Variants in EPHX1 observed in about 807,000 individuals in gnomAD.
The protein encoded by EPHX1 is epoxide hydrolase 1.
A neutral mutation model predicts 43.2 loss-of-function variants in EPHX1; 40 were observed. That is an observed-to-expected ratio of 0.93 (90% confidence interval 0.72 to 1.21). The LOEUF (loss-of-function observed/expected upper bound fraction) is 1.21, where lower values mean the gene tolerates loss of function less well. Among genes scored for constraint, EPHX1 ranks in the 50% most tolerant of loss-of-function variants. EPHX1 has a pLI of 0.00. For synonymous variants in EPHX1, 221 were observed against 226.7 expected (o/e 0.98, Z 0.22); for missense variants, 550 against 570.4 (o/e 0.96, Z 0.36).
At chr1:225,839,693 C>T in intron 5 of EPHX1, 136 bp from the exon 6 acceptor site, 1 of 1,010,336 alleles carries the variant, frequency 9.9e-7, no homozygotes, top group Non-Finnish European at 1.6e-6. Context: ...CATGGCCTCC[C>T]CAGTGGGGCC....
At chr1:225,841,103 C>G (rs769727663) in intron 6 of EPHX1, 1 of 152,188 alleles carries the variant, frequency 6.6e-6, no homozygotes, top group Non-Finnish European at 1.5e-5. Flanking sequence ...ATGGCCCCAA[C>G]ACTCCAGATG....
chr1:225,827,919 G>C (rs112201930), intron 1 of EPHX1, among the ~76,000 whole-genome samples: 1 of 3,972 alleles, frequency 2.5e-4, no homozygotes, highest in Non-Finnish European at 4.1e-4. Context: ...CCATTACCCC[G>C]TCTGCCCTGA....
rs376504243 is a variant in EPHX1 at position 225,839,173 on chromosome 1, T to G, written c.593-44T>G. On this transcript the variant is annotated intron_variant, in intron 4 of 8. Coordinates refer to ENST00000272167, the MANE Select transcript of EPHX1 (RefSeq NM_001136018.4). Reference sequence around the variant, plus strand: ...ACACCAGAGGGCCCAAGGAGCAATCTGCCTGTGACTCCGTGACTCCATGCC... The same window carrying G: ...ACACCAGAGGGCCCAAGGAGCAATCGGCCTGTGACTCCGTGACTCCATGCC... The G allele has an allele frequency of 5.4e-5, 87 of 1,613,514 alleles. No individual in the cohort carries two copies. The African/African-American group carries it at 1.1e-3, about 20-fold the overall frequency.
chr1:225,810,771 G>GA lies in EPHX1; in HGVS notation c.-6+602_-6+603insA, dbSNP rs1044625416. Among the ~76,000 whole-genome samples, 18 of 145,898 alleles carry GA rather than the reference G, an allele frequency of 1.2e-4. No homozygotes were observed. The East Asian group carries it at 3.0e-3, about 24-fold the overall frequency. ...GGTTCTCTGGCGGGCAGAGTGGGGGGGGTCACAAGGTGCTCAGTAGGGGAG... is the reference window on the plus strand; with the variant it reads ...GGTTCTCTGGCGGGCAGAGTGGGGGGAGGTCACAAGGTGCTCAGTAGGGGAG... On this transcript the variant is annotated intron_variant, in intron 1 of 8. Coordinates refer to ENST00000272167, the MANE Select transcript of EPHX1 (RefSeq NM_001136018.4).
rs757661375 is a variant in EPHX1 at position 225,840,031 on chromosome 1, A to G, written c.925A>G (p.Thr309Ala). 6.2e-7 allele frequency: 1 copy of G among 1,613,702 alleles called. No individual in the cohort carries two copies. Among genetic ancestry groups the G allele is most frequent in the Non-Finnish European group, 8.5e-7 (1 of 1,179,940 alleles). The change falls in exon 6 of 9, where the codon ACC (threonine) becomes GCC (alanine). Residue 309 changes from threonine (T) to alanine (A), a missense_variant. By Grantham distance (58) the Thr-to-Ala change is moderately conservative (BLOSUM62 0). Coordinates refer to ENST00000272167, the MANE Select transcript of EPHX1 (RefSeq NM_001136018.4). Reference protein sequence around the residue: ...YMHIQCTKPDTVGSALNDSPV... With the variant: ...YMHIQCTKPDAVGSALNDSPV... ...GCACATCCAGTGCACCAAGCCTGAC[A>G]CCGTAGGTGAGTGTGCTCAGGGGTC...
At chr1:225,816,345 T>G (rs539871165) in intron 1 of EPHX1, among the ~76,000 whole-genome samples, 17 of 151,756 alleles carry the variant, frequency 1.1e-4, no homozygotes, top group Non-Finnish European at 2.4e-4. Flanking sequence ...TTTAAAAGAT[T>G]AAAAAAAGAG....
chr1:225,832,781 G>A (rs1038292100), intron 3 of EPHX1, among the ~76,000 whole-genome samples: 1 of 152,144 alleles, frequency 6.6e-6, no homozygotes, highest in Non-Finnish European at 1.5e-5. Context: ...GTGGTTTTGA[G>A]TTGCATTTTC....
intron 7 of EPHX1, 121 bp from the exon 8 acceptor site, chr1:225,844,377 A>C (rs1338973764): frequency 2.0e-6 from 3 of 1,467,258 alleles, no homozygotes; most frequent in Non-Finnish European, 2.9e-6. Flanking sequence ...CACACGTTGC[A>C]TGAGGTCTGA....
chr1:225,821,565 C>CTTT (rs869228485), intron 1 of EPHX1, among the ~76,000 whole-genome samples: 41 of 69,840 alleles, frequency 5.9e-4, no homozygotes, highest in Non-Finnish European at 8.1e-4. Flanking sequence ...TTTTTTGGTT[C>CTTT]TTTTTTTTTT....
Position 225,828,937 on chromosome 1 carries a change from G to T in EPHX1, c.183+25G>T, listed in dbSNP as rs201723402. On this transcript the variant is annotated intron_variant, in intron 2 of 8. Coordinates refer to ENST00000272167, the MANE Select transcript of EPHX1 (RefSeq NM_001136018.4). ...CGTAAGGCACCTTGGGCCGGGCCGGGCTGGGCAGTGGAGAGGGTGGTGTGT... is the reference window on the plus strand; with the variant it reads ...CGTAAGGCACCTTGGGCCGGGCCGGTCTGGGCAGTGGAGAGGGTGGTGTGT... The T allele has an allele frequency of 3.5e-5, 55 of 1,554,478 alleles. No individual in the cohort carries two copies. The East Asian group carries it at 1.2e-3, about 35-fold the overall frequency.
chr1:225,831,202 C>T (rs561342309), intron 2 of EPHX1, among the ~76,000 whole-genome samples: 72 of 152,294 alleles, frequency 4.7e-4, no homozygotes, highest in Middle Eastern at 3.4e-3. Context: ...TGCCGACTCC[C>T]GCTGTAGAGA....
chr1:225,824,592 G>T (rs547147195), intron 1 of EPHX1, among the ~76,000 whole-genome samples: 163 of 152,342 alleles, frequency 1.1e-3, no homozygotes, highest in African/African-American at 3.7e-3. Flanking sequence ...CCTTCGCCAG[G>T]CGGCTTTATT....
intron 3 of EPHX1, 93 bp from the exon 4 acceptor site, chr1:225,838,561 C>G (rs1668091521): frequency 9.0e-7 from 1 of 1,111,146 alleles, no homozygotes; most frequent in African/African-American, 1.5e-5. Flanking sequence ...CTAAGGGTGG[C>G]AGGACTCAAT....
At chr1:225,822,157 A>G (rs760815024) in intron 1 of EPHX1, among the ~76,000 whole-genome samples, 8 of 152,190 alleles carry the variant, frequency 5.3e-5, no homozygotes, top group Non-Finnish European at 1.0e-4. Flanking sequence ...TTCTTACAGT[A>G]GGAGCCAAAT....
At chr1:225,820,508 TA>T (rs1350116754) in intron 1 of EPHX1, among the ~76,000 whole-genome samples, 3 of 152,192 alleles carry the variant, frequency 2.0e-5, no homozygotes, top group Non-Finnish European at 4.4e-5. Context: ...TAGCAATTTA[TA>T]AAAGAGATAG....
chr1:225,836,888 G>A (rs1667998349), intron 3 of EPHX1, among the ~76,000 whole-genome samples: 1 of 152,106 alleles, frequency 6.6e-6, no homozygotes, highest in African/African-American at 2.4e-5. Context: ...CGTCAGTGTT[G>A]GACACTTACA....
chr1:225,837,506 AT>A (rs559994616), intron 3 of EPHX1, among the ~76,000 whole-genome samples: 171 of 152,276 alleles, frequency 1.1e-3, no homozygotes, highest in African/African-American at 3.9e-3. Context: ...TTAAAAAAAA[AT>A]CTTCCACTTT....
chr1:225,840,801 AC>A (rs1353123948), intron 6 of EPHX1: 1 of 152,422 alleles, frequency 6.6e-6, no homozygotes, highest in African/African-American at 2.4e-5. Context: ...TGTCCAGAAG[AC>A]ACCCAGGAAT....
Position 225,842,391 on chromosome 1 carries a change from G to A in EPHX1, c.957G>A (p.Val319=), listed in dbSNP as rs1258399514. The A allele has an allele frequency of 6.2e-7, 1 of 1,613,748 alleles. No homozygotes were observed. The highest frequency in any genetic ancestry group is 2.2e-5 in the East Asian group (1 of 44,888). Residue 319 remains valine, a synonymous_variant, in exon 7 of 9, where the codon GTG becomes GTA. Transcript: ENST00000272167. ...GCTCTGCTCTGAATGACTCTCCTGTGGGTCTGGCTGCCTATATTCTAGAGA... is the reference window on the plus strand; with the variant it reads ...GCTCTGCTCTGAATGACTCTCCTGTAGGTCTGGCTGCCTATATTCTAGAGA... ...TVGSALNDSP[V]GLAAYILEKF...
Sources: gnomAD v4.1 joint callset for allele counts (sites outside exome capture counted in the v4.1 genomes callset) on GRCh38, gnomAD v4.1.1 for gene constraint, MANE v1.5 for transcripts, NCBI Gene and HGNC (gene_info 2026-07-23, HGNC 2026-07-21) for gene names.